Variants in ACACA observed in about 807,000 individuals in gnomAD.
ACACA encodes the protein acetyl-CoA carboxylase 1.
Under a neutral mutation model 296.1 loss-of-function variants are expected in ACACA, and 103 were observed. The ratio of observed to expected loss-of-function variants is 0.35; its 90% confidence interval spans 0.30 to 0.41. The LOEUF is 0.41. Among genes scored for constraint, ACACA ranks in the 10% least tolerant of loss-of-function variants. The pLI, the probability that ACACA is intolerant of heterozygous loss-of-function variation, is 1.00. For missense variants in ACACA, 1,554 were observed against 2,989.7 expected (o/e 0.52, Z 11.20); for synonymous variants, 953 against 1,038.6 (o/e 0.92, Z 1.58).
chr17:37,363,529 T>G (rs2049494880), intron 1 of ACACA, among the ~76,000 whole-genome samples: 1 of 152,246 alleles, frequency 6.6e-6, no homozygotes, highest in East Asian at 1.9e-4. Flanking sequence ...ACCCTAAAGT[T>G]TGAGAACAGT....
intron 1 of ACACA, among the ~76,000 whole-genome samples, chr17:37,370,804 C>T (rs150485946): frequency 1.3e-3 from 203 of 151,812 alleles, no homozygotes; most frequent in African/African-American, 4.7e-3. Context: ...GCCAACATGG[C>T]GAAACCCCGT....
In ACACA at chr17:37,270,803, T is replaced by C; in HGVS notation, c.1067A>G (p.Lys356Arg). 6.2e-7 allele frequency: 1 copy of C among 1,613,970 alleles called. No homozygotes were observed. Among genetic ancestry groups the C allele is most frequent in the Non-Finnish European group, 8.5e-7 (1 of 1,179,932 alleles). Residue 356 changes from lysine (K) to arginine (R), a missense_variant, in exon 10 of 56, where the codon AAG (lysine) becomes AGG (arginine). Lys to Arg is a conservative substitution (Grantham distance 26, BLOSUM62 2). Transcript: ENST00000616317. ...TGCATTGTTGACTTTTCTAATTCCCTTCCCTCCTCCTCCCTCTGAGGCCTT... is the reference window on the plus strand; with the variant it reads ...TGCATTGTTGACTTTTCTAATTCCCCTCCCTCCTCCTCCCTCTGAGGCCTT... The part of the protein sequence containing the change: ...MIKASEGGGG[K>R]GIRKVNNADD...
chr17:37,324,269 G>C (rs1201264717), intron 3 of ACACA, among the ~76,000 whole-genome samples: 1 of 152,092 alleles, frequency 6.6e-6, no homozygotes, highest in Non-Finnish European at 1.5e-5. Context: ...GGGAGGCTGA[G>C]GCAGGAGAAT....
At chr17:37,128,222 T>C (rs2074917527) in intron 47 of ACACA, among the ~76,000 whole-genome samples, 2 of 152,094 alleles carry the variant, frequency 1.3e-5, no homozygotes, top group South Asian at 4.1e-4. Context: ...GTAGATATTG[T>C]AGAAAAACAA....
Position 37,240,470 on chromosome 17 carries a change from G to A in ACACA, c.3121+6C>T. 6.2e-7 allele frequency: 1 copy of A among 1,612,954 alleles called. No individual in the cohort carries two copies. The highest frequency in any genetic ancestry group is 1.1e-5 in the South Asian group (1 of 90,836). On this transcript the variant is annotated splice_donor_region_variant and intron_variant, in intron 24 of 55. Transcript: ENST00000616317. ...TTAGCTAGAGAGTCCTCAGGAAGAG[G>A]CTTACCATTCTGGAATTGTGTCTCT... is the stretch of plus-strand genomic sequence containing the variant.
chr17:37,377,044 A>G (rs1597737995), intron 1 of ACACA, among the ~76,000 whole-genome samples: 2 of 152,346 alleles, frequency 1.3e-5, no homozygotes, highest in East Asian at 1.9e-4. Flanking sequence ...AATTTGACAA[A>G]TTATAAAAAT....
chr17:37,322,563 C>G (rs1004578362), intron 3 of ACACA, among the ~76,000 whole-genome samples: 1 of 152,090 alleles, frequency 6.6e-6, no homozygotes, highest in Admixed American at 6.6e-5. Flanking sequence ...GTTTTTGCAT[C>G]CAAATGCTTC....
intron 29 of ACACA, among the ~76,000 whole-genome samples, chr17:37,215,408 T>C (rs778560270): frequency 2.6e-5 from 4 of 152,332 alleles, no homozygotes; most frequent in African/African-American, 9.6e-5. Flanking sequence ...AGATTACTCA[T>C]GTTCACTAGC....
rs1213762568 is a variant in ACACA, at chr17:37,246,911, C to T, written c.2375G>A (p.Arg792His). ...FEKENDPSVM[R>H]SPSAGKLIQY... ...GATTAACTTCCCAGCAGAAGGTGAGCGCATCACCGATGGGTCATTTTCCTT... is the reference window on the plus strand; with the variant it reads ...GATTAACTTCCCAGCAGAAGGTGAGTGCATCACCGATGGGTCATTTTCCTT... Residue 792 changes from arginine to histidine, a missense_variant, in exon 19 of 56, where the codon CGC (arginine) becomes CAC (histidine). Around this residue, in one of 16 missense-constraint regions of ACACA, gnomAD observed 316 missense variants for 540.9 expected, o/e 0.58. Coordinates refer to ENST00000616317, the MANE Select transcript of ACACA (RefSeq NM_198834.3). 61 of 1,613,844 alleles carry T rather than the reference C, an allele frequency of 3.8e-5. No individual in the cohort carries two copies. The highest frequency in any genetic ancestry group is 4.7e-5 in the Non-Finnish European group (56 of 1,179,934).
chr17:37,348,743 CGAGATCAG>C (rs1319766117), intron 1 of ACACA, among the ~76,000 whole-genome samples: 1 of 151,688 alleles, frequency 6.6e-6, no homozygotes, highest in East Asian at 1.9e-4. Flanking sequence ...GGGCGGATCA[CGAGATCAG>C]GAGATTGAGA....
At chr17:37,120,328 C>T (rs2074468395) in intron 50 of ACACA, among the ~76,000 whole-genome samples, 3 of 152,000 alleles carry the variant, frequency 2.0e-5, no homozygotes, top group Admixed American at 2.0e-4. Context: ...TGCAGTGGCA[C>T]AATCTTGGCT....
intron 1 of ACACA, chr17:37,386,094 G>T: frequency 6.3e-7 from 1 of 1,593,760 alleles, no homozygotes; most frequent in South Asian, 1.1e-5. Flanking sequence ...TAACTCCTGG[G>T]AATAAAGAAG....
At chr17:37,106,231 C>T (rs2073678387) in intron 52 of ACACA, among the ~76,000 whole-genome samples, 1 of 151,988 alleles carries the variant, frequency 6.6e-6, no homozygotes, top group South Asian at 2.1e-4. Context: ...TCTTGAAAAA[C>T]TGCGTAAATC....
At chr17:37,209,571 A>G (rs1464531256) in intron 30 of ACACA, among the ~76,000 whole-genome samples, 2 of 152,212 alleles carry the variant, frequency 1.3e-5, no homozygotes, top group African/African-American at 2.4e-5. Flanking sequence ...GGAAGACTAC[A>G]AGACCAATTA....
intron 52 of ACACA, among the ~76,000 whole-genome samples, chr17:37,106,405 C>T (rs1047325189): frequency 6.6e-6 from 1 of 152,108 alleles, no homozygotes; most frequent in Non-Finnish European, 1.5e-5. Flanking sequence ...CAAAGGGGGC[C>T]ATACCTATCT....
At chr17:37,383,262 C>A (rs879555627) in intron 1 of ACACA, among the ~76,000 whole-genome samples, 35 of 152,008 alleles carry the variant, frequency 2.3e-4, no homozygotes, top group Non-Finnish European at 4.7e-4. Flanking sequence ...GACATTAGCT[C>A]TTAGAAATTG....
chr17:37,151,869 C>T (rs1336644168), intron 43 of ACACA, among the ~76,000 whole-genome samples: 1 of 152,032 alleles, frequency 6.6e-6, no homozygotes, highest in African/African-American at 2.4e-5. Flanking sequence ...ACCGTGTTAG[C>T]CAGGATGGTC....
chr17:37,175,548 G>A (rs1346678155), intron 41 of ACACA, among the ~76,000 whole-genome samples: 1 of 152,216 alleles, frequency 6.6e-6, no homozygotes, highest in African/African-American at 2.4e-5. Context: ...CATTCATCTA[G>A]CTGTGTATTT....
chr17:37,206,970 A>G (rs767500621), intron 31 of ACACA, 91 bp from the exon 32 acceptor site: 48 of 1,160,560 alleles, frequency 4.1e-5, no homozygotes, highest in Non-Finnish European at 5.7e-5. Context: ...AGAATAATCT[A>G]TCTTAGCCTG....
Sources: allele counts gnomAD v4.1 joint callset (sites outside exome capture counted in the v4.1 genomes callset), GRCh38; gene constraint gnomAD v4.1.1; regional missense constraint gnomAD v4.1.1; transcripts MANE v1.5; gene names NCBI Gene and HGNC (gene_info 2026-07-23, HGNC 2026-07-21).